Variants in SLTM observed in about 807,000 individuals in gnomAD.
The protein encoded by SLTM is SAFB-like transcription modulator.
A neutral mutation model predicts 134.6 loss-of-function variants in SLTM; 43 were observed. The observed-to-expected ratio is 0.32, with a 90% CI of 0.25 to 0.41. SLTM has a LOEUF of 0.41. Ranked by LOEUF, SLTM falls within the 10% of genes least tolerant of loss-of-function variation. SLTM has a pLI of 1.00. For synonymous variants in SLTM, 424 were observed against 432.3 expected (o/e 0.98, Z 0.24); for missense variants, 1,055 against 1,288.8 (o/e 0.82, Z 2.78).
chr15:58,881,253 G>A (rs2033684630), intron 20 of SLTM, among the ~76,000 whole-genome samples: 1 of 152,150 alleles, frequency 6.6e-6, no homozygotes, highest in Non-Finnish European at 1.5e-5. Context: ...GCCGGGTGTG[G>A]TGGTTCACAC....
chr15:58,888,824 G>C (rs922258385), intron 16 of SLTM: 5 of 292,364 alleles, frequency 1.7e-5, no homozygotes, highest in Non-Finnish European at 3.2e-5. Flanking sequence ...TAGCATTCAG[G>C]AGAAATGATA....
At chr15:58,932,576 C>A in intron 1 of SLTM, 133 bp from the exon 2 acceptor site, 1 of 586,404 alleles carries the variant, frequency 1.7e-6, no homozygotes. Flanking sequence ...CAACCGACTT[C>A]AAAAATGAGC....
At chr15:58,921,892 C>T (rs1010616156) in intron 2 of SLTM, among the ~76,000 whole-genome samples, 3 of 152,094 alleles carry the variant, frequency 2.0e-5, no homozygotes, top group Non-Finnish European at 4.4e-5. Context: ...TCTCATGCCT[C>T]AGCCTCACAA....
chr15:58,923,799 CTTTTTTTTTTTT>C (rs34100406), intron 2 of SLTM, among the ~76,000 whole-genome samples: 6 of 69,548 alleles, frequency 8.6e-5, no homozygotes, highest in African/African-American at 1.1e-4. Context: ...GAAGCCAAAC[CTTTTTTTTTTTT>C]TTTTTTTTTT....
intron 15 of SLTM, chr15:58,889,824 A>C: frequency 7.4e-6 from 3 of 404,214 alleles, no homozygotes; most frequent in South Asian, 6.4e-5. Flanking sequence ...AAACAAAAGC[A>C]CCTAAAGGGA....
At chr15:58,933,225 G>T (rs2038012677) in intron 1 of SLTM, among the ~76,000 whole-genome samples, 179 bp downstream of exon 1, 1 of 151,674 alleles carries the variant, frequency 6.6e-6, no homozygotes, top group Non-Finnish European at 1.5e-5. Flanking sequence ...GCGCGGGGCG[G>T]GGGCACCGCG....
chr15:58,894,690 C>G, intron 9 of SLTM, 108 bp from the exon 10 acceptor site: 1 of 880,080 alleles, frequency 1.1e-6, no homozygotes, highest in Non-Finnish European at 1.7e-6. Flanking sequence ...CAGGGTGTAT[C>G]TTATTCTGTC....
chr15:58,933,142 G>A (rs1459290132), intron 1 of SLTM, among the ~76,000 whole-genome samples: 3 of 152,010 alleles, frequency 2.0e-5, no homozygotes, highest in Middle Eastern at 6.8e-3. Context: ...GCAGCCTGGC[G>A]GGGACGTCCC....
Position 58,899,595 on chromosome 15 carries a change from C to T in SLTM, c.932G>A (p.Cys311Tyr). Residue 311 changes from cysteine to tyrosine, a missense_variant, in exon 7 of 21, where the codon TGC becomes TAC. Physicochemically the swap from Cys to Tyr is radical, Grantham distance 194. Transcript: ENST00000380516. The surrounding 1 kb of genome is among the most constrained non-coding windows in gnomAD (Gnocchi z 5.0). ...CTTCTCGACAGGGTCACCCTTCACG[C>T]AGTCTTCCTTCTTACCATCTTTATG... ...ANHKDGKKED[C>Y]VKGDPVEKEA... The T allele has an allele frequency of 6.2e-7, 1 of 1,614,200 alleles. No individual in the cohort carries two copies. Among genetic ancestry groups the T allele is most frequent in the African/African-American group, 1.3e-5 (1 of 75,060 alleles).
intron 13 of SLTM, 58 bp downstream of exon 13, chr15:58,893,221 A>G: frequency 6.7e-7 from 1 of 1,488,286 alleles, no homozygotes; most frequent in Non-Finnish European, 9.2e-7. Context: ...GAAAAACAGA[A>G]TTATCTTCTT....
intron 15 of SLTM, 40 bp downstream of exon 15, chr15:58,890,241 A>G (rs775670027): frequency 6.2e-7 from 1 of 1,606,042 alleles, no homozygotes; most frequent in East Asian, 2.2e-5. Flanking sequence ...GAGTCTGAAA[A>G]AGGTGAGTTA....
intron 9 of SLTM, among the ~76,000 whole-genome samples, chr15:58,895,850 G>T (rs2035039504): frequency 6.6e-6 from 1 of 152,050 alleles, no homozygotes. Context: ...ACTAATTGAA[G>T]CAGGAAAAAA....
At chr15:58,917,157 CA>C (rs1567149758) in intron 2 of SLTM, 158 bp from the exon 3 acceptor site, 5 of 615,930 alleles carry the variant, frequency 8.1e-6, no homozygotes, top group African/African-American at 1.9e-5. Flanking sequence ...CTGTCCCAAA[CA>C]AAAAAAGCTT....
At chr15:58,902,533 G>A (rs961932290) in intron 5 of SLTM, among the ~76,000 whole-genome samples, 5 of 151,366 alleles carry the variant, frequency 3.3e-5, no homozygotes, top group African/African-American at 1.2e-4. Context: ...CTACAGATGT[G>A]TGCCACCATG....
chr15:58,881,170 G>A (rs2033675249), intron 20 of SLTM, among the ~76,000 whole-genome samples: 1 of 151,784 alleles, frequency 6.6e-6, no homozygotes, highest in Admixed American at 6.6e-5. Flanking sequence ...CCCCAGCCTG[G>A]GTGTCACAGC....
intron 2 of SLTM, among the ~76,000 whole-genome samples, chr15:58,917,834 C>G (rs2036754712): frequency 6.6e-6 from 1 of 152,106 alleles, no homozygotes; most frequent in Non-Finnish European, 1.5e-5. Context: ...ACTGTAACTT[C>G]CCCCTCCTGG....
intron 5 of SLTM, among the ~76,000 whole-genome samples, chr15:58,911,203 CAG>C (rs1292969376): frequency 6.6e-6 from 1 of 152,172 alleles, no homozygotes. Context: ...TCCACTGTGA[CAG>C]AGAGGCAATA....
At chr15:58,904,217 C>T (rs1421657952) in intron 5 of SLTM, among the ~76,000 whole-genome samples, 1 of 151,978 alleles carries the variant, frequency 6.6e-6, no homozygotes, top group African/African-American at 2.4e-5. Context: ...CACCATGTTG[C>T]CCAGGCTGGT....
At chr15:58,912,652 CG>C in intron 4 of SLTM, 42 bp from the exon 5 acceptor site, 1 of 1,518,118 alleles carries the variant, frequency 6.6e-7, no homozygotes, top group South Asian at 1.2e-5. Context: ...TATAAAATAT[CG>C]GGGTAACGTG....
Sources: allele counts gnomAD v4.1 joint callset (sites outside exome capture counted in the v4.1 genomes callset), GRCh38; gene constraint gnomAD v4.1.1; non-coding constraint Gnocchi (gnomAD v3.1); transcripts MANE v1.5; gene names NCBI Gene and HGNC (gene_info 2026-07-23, HGNC 2026-07-21).